Variants in IL6R observed in about 807,000 individuals in gnomAD.
IL6R encodes the protein interleukin 6 receptor, also known as interleukin-6 receptor subunit alpha.
IL6R carries 38 observed loss-of-function variants against 48.3 expected under a neutral mutation model. The observed-to-expected ratio is 0.79, with a 90% CI of 0.61 to 1.03. IL6R has a LOEUF of 1.03. Among genes scored for constraint, IL6R ranks in the 50% least tolerant of loss-of-function variants. The pLI is 0.00. For missense variants in IL6R, 534 were observed against 618.3 expected (o/e 0.86, Z 1.45); for synonymous variants, 264 against 256.2 (o/e 1.03, Z -0.29).
intron 1 of IL6R, among the ~76,000 whole-genome samples, chr1:154,420,105 C>T (rs1402821116): frequency 1.3e-5 from 2 of 152,124 alleles, no homozygotes; most frequent in Non-Finnish European, 2.9e-5. Flanking sequence ...TGGGAATTTT[C>T]CCTCCCCTAG....
At chr1:154,433,183 T>C (rs912301088) in intron 3 of IL6R, among the ~76,000 whole-genome samples, 1 of 152,166 alleles carries the variant, frequency 6.6e-6, no homozygotes, top group East Asian at 1.9e-4. Context: ...TAACTCAGCC[T>C]GGAAAGGTTG....
rs761937636 is a variant in IL6R at position 154,435,182 on chromosome 1, AG to A, written c.807+27del. 17 of 1,609,648 alleles carry A rather than the reference AG, an allele frequency of 1.1e-5. No individual in the cohort carries two copies. In the East Asian group the frequency reaches 3.8e-4, roughly 36 times the overall value. Reference sequence around the variant, plus strand: ...GTAAATTTATGTTTTACTTCTGGTCAGAGAGGCGCCCCTAGATGCTTAGGCG... The same window carrying A: ...GTAAATTTATGTTTTACTTCTGGTCAAGAGGCGCCCCTAGATGCTTAGGCG... On this transcript the variant is annotated intron_variant, in intron 5 of 9. Transcript: ENST00000368485.
At position 154,425,288 on chromosome 1, in the gene IL6R, A is replaced by G. The variant is rs551641462; in HGVS notation, c.86-3908A>G. Among the ~76,000 whole-genome samples, 5 of 152,288 alleles carry G rather than the reference A, an allele frequency of 3.3e-5. No homozygotes were observed. In the East Asian group the frequency reaches 9.6e-4, roughly 29 times the overall value. On this transcript the variant is annotated intron_variant, in intron 1 of 9. Transcript: ENST00000368485. The stretch of plus-strand genomic sequence containing the variant: ...AAGGACACAGGTCACACACGCCAAC[A>G]CCAGCAGTTTCATTCTTAGGGAAGT...
intron 9 of IL6R, among the ~76,000 whole-genome samples, chr1:154,455,580 G>A (rs1395532858): frequency 1.3e-5 from 2 of 149,580 alleles, no homozygotes; most frequent in Non-Finnish European, 3.0e-5. Flanking sequence ...AGCCTCCTGA[G>A]TAGCTGGGAC....
Position 154,450,104 on chromosome 1 carries a change from CTGTGTG to C in IL6R, c.1066+158_1066+163del, listed in dbSNP as rs71586016. ...ATCACAGATCAATCGCAGAAATGTTCTGTGTGTGTGTGTGTGTGTGTGTGTGTGTGT... is the reference window on the plus strand; with the variant it reads ...ATCACAGATCAATCGCAGAAATGTTCTGTGTGTGTGTGTGTGTGTGTGTGT... On this transcript the variant is annotated intron_variant, in intron 8 of 9. Transcript: ENST00000368485. The C allele has an allele frequency of 7.2e-3, 3,476 of 480,536 alleles. 9 individuals carry two copies. The highest frequency in any genetic ancestry group is 9.1e-3 in the Non-Finnish European group (2,298 of 253,774). The allele number at this position is 480,536 out of a possible 1,614,324, so 29.8% of individuals were successfully genotyped here.
In IL6R at chr1:154,434,704, C is replaced by T. The variant is rs749827630; in HGVS notation, c.640+4C>T. On this transcript the variant is annotated splice_donor_region_variant and intron_variant, in intron 4 of 9. Coordinates refer to ENST00000368485, the MANE Select transcript of IL6R (RefSeq NM_000565.4). The stretch of plus-strand genomic sequence containing the variant: ...ACCTTTCAGGGTTGTGGAATCTGTA[C>T]GTAAGCTCTAACCCCCTCTCCAGCA... 19 of 1,612,516 alleles carry T rather than the reference C, an allele frequency of 1.2e-5. No homozygotes were observed. Among genetic ancestry groups the T allele is most frequent in the Admixed American group, 3.3e-5 (2 of 59,840 alleles).
intron 9 of IL6R, among the ~76,000 whole-genome samples, chr1:154,460,842 G>A (rs1026768469): frequency 6.6e-5 from 10 of 152,220 alleles, no homozygotes; most frequent in Non-Finnish European, 1.2e-4. Flanking sequence ...CTCCCCGTGT[G>A]TGGAGACGAG....
chr1:154,465,007 C>T (rs757192044), intron 9 of IL6R, 127 bp from the exon 10 acceptor site: 2 of 988,432 alleles, frequency 2.0e-6, no homozygotes, highest in Non-Finnish European at 3.1e-6. Context: ...ATAGTTATTG[C>T]TCCTTTGAGC....
chr1:154,465,301 C>T lies in IL6R; in HGVS notation c.1328C>T (p.Ser443Leu), dbSNP rs751945943. The T allele has an allele frequency of 1.1e-5, 17 of 1,611,908 alleles. No homozygotes were observed. The African/African-American group carries it at 2.0e-4, about 19-fold the overall frequency. The change falls in exon 10 of 10, where the codon TCG (serine) becomes TTG (leucine). Residue 443 changes from serine to leucine, a missense_variant. Ser to Leu is a moderately radical substitution (Grantham distance 145, BLOSUM62 -2). Transcript: ENST00000368485. ...SPSSLGSDNT[S>L]SHNRPDARDP... ...AGCAGCCTGGGGTCTGACAATACCT[C>T]GAGCCACAACCGACCAGATGCCAGG...
intron 2 of IL6R, 58 bp downstream of exon 2, chr1:154,429,502 A>G (rs576477390): frequency 3.9e-6 from 6 of 1,550,752 alleles, no homozygotes; most frequent in Non-Finnish European, 5.3e-6. Flanking sequence ...GGCTTTGTGC[A>G]TTCCAGACAG....
At chr1:154,459,122 G>A (rs1691096299) in intron 9 of IL6R, among the ~76,000 whole-genome samples, 1 of 152,126 alleles carries the variant, frequency 6.6e-6, no homozygotes, top group African/African-American at 2.4e-5. Context: ...GGGCCCAGCT[G>A]GTCCCATTGG....
intron 9 of IL6R, among the ~76,000 whole-genome samples, chr1:154,464,631 C>T (rs1691447923): frequency 6.6e-6 from 1 of 152,094 alleles, no homozygotes; most frequent in African/African-American, 2.4e-5. Context: ...TGGAAACTCA[C>T]CAACTCTTCA....
At chr1:154,415,786 A>C (rs1688306510) in intron 1 of IL6R, among the ~76,000 whole-genome samples, 2 of 152,122 alleles carry the variant, frequency 1.3e-5, no homozygotes, top group Admixed American at 1.3e-4. Flanking sequence ...TGAAACCAGC[A>C]TGACCAACAT....
Position 154,467,150 on chromosome 1 carries a change from A to C in IL6R, c.*1770A>C, listed in dbSNP as rs796397215. 2.0e-5 allele frequency: 3 copies of C among 152,336 alleles called. No homozygotes were observed. Among genetic ancestry groups the C allele is most frequent in the African/African-American group, 7.2e-5 (3 of 41,566 alleles). The allele number at this position is 152,336 out of a possible 1,614,324, so 9.4% of individuals were successfully genotyped here. Reference sequence around the variant, plus strand: ...TTTTAAAAAAATCCCATTTAAAAAAAATCCCTTACCTCGGTGCCTTCCTCT... The same window carrying C: ...TTTTAAAAAAATCCCATTTAAAAAACATCCCTTACCTCGGTGCCTTCCTCT... On this transcript the variant is annotated 3_prime_UTR_variant, in exon 10 of 10. Coordinates refer to ENST00000368485, the MANE Select transcript of IL6R (RefSeq NM_000565.4).
At chr1:154,420,652 C>T (rs1210793391) in intron 1 of IL6R, among the ~76,000 whole-genome samples, 2 of 150,640 alleles carry the variant, frequency 1.3e-5, no homozygotes, top group Admixed American at 1.3e-4. Flanking sequence ...TCTCATGCCT[C>T]AGCCTCCTGA....
chr1:154,437,957 A>C (rs1002570149), intron 6 of IL6R, among the ~76,000 whole-genome samples: 2 of 149,942 alleles, frequency 1.3e-5, no homozygotes, highest in African/African-American at 4.9e-5. Context: ...CTCGTGATCC[A>C]CCCGCCTCGC....
chr1:154,442,688 GC>G (rs1414302469), intron 6 of IL6R, among the ~76,000 whole-genome samples: 2 of 152,244 alleles, frequency 1.3e-5, no homozygotes, highest in Admixed American at 1.3e-4. Context: ...ACGGTCGGCA[GC>G]TTTCTCTCAA....
intron 3 of IL6R, among the ~76,000 whole-genome samples, chr1:154,433,836 C>T (rs924348042): frequency 1.3e-5 from 2 of 152,080 alleles, no homozygotes; most frequent in Admixed American, 1.3e-4. Flanking sequence ...CTGCTTCAGC[C>T]TCCTGAGTAA....
chr1:154,408,287 C>A (rs1243187964), intron 1 of IL6R, among the ~76,000 whole-genome samples: 1 of 152,200 alleles, frequency 6.6e-6, no homozygotes, highest in Non-Finnish European at 1.5e-5. Flanking sequence ...TTCGGGCTCT[C>A]TGTTGCCAGA....
Sources: gnomAD v4.1 joint callset for allele counts (sites outside exome capture counted in the v4.1 genomes callset) on GRCh38, gnomAD v4.1.1 for gene constraint, MANE v1.5 for transcripts, NCBI Gene and HGNC (gene_info 2026-07-23, HGNC 2026-07-21) for gene names.